The following HEPHL1 variants were observed in gnomAD, a reference collection of about 807,000 sequenced individuals.
HEPHL1 encodes the protein ferroxidase HEPHL1.
HEPHL1 carries 123 observed loss-of-function variants against 122.0 expected under a neutral mutation model. The observed-to-expected ratio is 1.01, with a 90% confidence interval of 0.87 to 1.17. HEPHL1 has a LOEUF of 1.17. HEPHL1 is among the 50% of genes most tolerant of loss of function. HEPHL1 has a pLI of 0.00. For missense variants in HEPHL1, 1,452 were observed against 1,430.5 expected (o/e 1.01, Z -0.24); for synonymous variants, 527 against 508.9 (o/e 1.04, Z -0.48).
intron 1 of HEPHL1, among the ~76,000 whole-genome samples, chr11:94,042,838 C>A (rs1945795729): frequency 7.9e-6 from 1 of 127,002 alleles, no homozygotes; most frequent in Non-Finnish European, 1.6e-5. Flanking sequence ...AACTAACCTG[C>A]ACATTGTGCA....
At chr11:94,100,684 A>G (rs1405905544) in intron 13 of HEPHL1, among the ~76,000 whole-genome samples, 2 of 152,160 alleles carry the variant, frequency 1.3e-5, no homozygotes, top group Non-Finnish European at 2.9e-5. Flanking sequence ...ATTGTCATCC[A>G]TTTACCAGAT....
Position 94,075,337 on chromosome 11 carries a change from G to A in HEPHL1, c.1668G>A (p.Gly556=), listed in dbSNP as rs1345485434. The A allele has an allele frequency of 1.2e-6, 2 of 1,613,224 alleles. No homozygotes were observed. Among genetic ancestry groups the A allele is most frequent in the Admixed American group, 3.3e-5 (2 of 59,892 alleles). The change falls in exon 9 of 20, where the codon GGG becomes GGA. Residue 556 remains glycine, a synonymous_variant. Transcript: ENST00000315765. ...PIKDTSSGLV[G]PLLVCKKGVL... Reference sequence around the variant, plus strand: ...AGGACACCAGCTCTGGCCTGGTAGGGCCTTTGCTAGTCTGTAAAAAGGGCG... The same window carrying A: ...AGGACACCAGCTCTGGCCTGGTAGGACCTTTGCTAGTCTGTAAAAAGGGCG...
intron 16 of HEPHL1, 42 bp from the exon 17 acceptor site, chr11:94,105,949 C>G (rs1263814362): frequency 1.4e-6 from 2 of 1,409,560 alleles, no homozygotes; most frequent in Admixed American, 4.4e-5. Flanking sequence ...ATCAGCTTAT[C>G]TTTTAACTAA....
intron 12 of HEPHL1, among the ~76,000 whole-genome samples, chr11:94,092,929 C>T (rs1389184977): frequency 6.6e-6 from 1 of 152,032 alleles, no homozygotes; most frequent in Non-Finnish European, 1.5e-5. Context: ...TAGAACATAA[C>T]TAGGGTGAAT....
intron 2 of HEPHL1, among the ~76,000 whole-genome samples, chr11:94,060,080 A>T (rs1324924608): frequency 2.4e-5 from 3 of 122,766 alleles, no homozygotes; most frequent in Non-Finnish European, 5.2e-5. Flanking sequence ...AATACCACTC[A>T]GTCATATTTT....
At chr11:94,047,640 T>C (rs1291231251) in intron 2 of HEPHL1, among the ~76,000 whole-genome samples, 2 of 152,144 alleles carry the variant, frequency 1.3e-5, no homozygotes, top group Non-Finnish European at 2.9e-5. Flanking sequence ...CCATGTGTCT[T>C]ATTTATGCTG....
chr11:94,063,307 G>A (rs771458188), intron 2 of HEPHL1, among the ~76,000 whole-genome samples: 6 of 152,078 alleles, frequency 3.9e-5, no homozygotes, highest in Non-Finnish European at 7.4e-5. Flanking sequence ...TTATATCCCT[G>A]TAGGATAGAT....
intron 9 of HEPHL1, 101 bp downstream of exon 9, chr11:94,075,486 T>C (rs1394351928): frequency 1.2e-6 from 1 of 808,392 alleles, no homozygotes; most frequent in Non-Finnish European, 2.0e-6. Flanking sequence ...AAAAGCAATT[T>C]GTCTTTCTTC....
chr11:94,113,627 C>A lies in HEPHL1; in HGVS notation c.*1733C>A, dbSNP rs936655896. On this transcript the variant is annotated 3_prime_UTR_variant, in exon 20 of 20. Coordinates refer to ENST00000315765, the MANE Select transcript of HEPHL1 (RefSeq NM_001098672.2). ...TATGGTAAATGCCTTATTTATTACC[C>A]ACCTTAGTAAGACAAGTTGTTCAGT... The A allele has an allele frequency of 1.3e-5, 2 of 152,038 alleles. No individual in the cohort carries two copies. The highest frequency in any genetic ancestry group is 4.8e-5 in the African/African-American group (2 of 41,362). The allele number at this position is 152,038 out of a possible 1,614,324, so 9.4% of individuals were successfully genotyped here.
chr11:94,075,454 G>T, intron 9 of HEPHL1, 69 bp downstream of exon 9: 1 of 1,161,712 alleles, frequency 8.6e-7, no homozygotes, highest in South Asian at 1.3e-5. Context: ...AGCCAGAGAC[G>T]AGACAGGAAT....
intron 1 of HEPHL1, among the ~76,000 whole-genome samples, chr11:94,029,807 G>T (rs937151808): frequency 1.3e-5 from 2 of 152,116 alleles, no homozygotes; most frequent in Non-Finnish European, 2.9e-5. Flanking sequence ...GTCCCTACAG[G>T]GACTCAGCAA....
At position 94,111,964 on chromosome 11, in the gene HEPHL1, C is replaced by T; in HGVS notation, c.*70C>T. The T allele has an allele frequency of 8.6e-7, 1 of 1,156,678 alleles. No homozygotes were observed. The highest frequency in any genetic ancestry group is 1.2e-6 in the Non-Finnish European group (1 of 834,402). 71.7% of individuals were successfully genotyped at this position (1,156,678 alleles called of 1,614,324 possible). A position where few individuals can be genotyped will look rare whatever the true frequency, so the allele number is the denominator to read the frequency against. ...GGCCAGATGGCAGCCAACAGGGAAA[C>T]TGGACCAAGGCATCACTCACCAAGG... On this transcript the variant is annotated 3_prime_UTR_variant, in exon 20 of 20. Transcript: ENST00000315765.
chr11:94,104,610 A>T lies in HEPHL1; in HGVS notation c.2765A>T (p.Asp922Val). ...LNEKGRRSDV[D>V]YEFALLFLVF... Reference sequence around the variant, plus strand: ...GAAAAGGGAAGAAGAAGTGACGTTGATTATGAATTTGCTCTCTTGTTTTTG... The same window carrying T: ...GAAAAGGGAAGAAGAAGTGACGTTGTTTATGAATTTGCTCTCTTGTTTTTG... The change falls in exon 16 of 20, where the codon GAT becomes GTT. Residue 922 changes from aspartate (D) to valine (V), a missense_variant. Physicochemically the swap from Asp to Val is radical, Grantham distance 152. Transcript: ENST00000315765. 1 of 1,613,930 alleles carries T rather than the reference A, an allele frequency of 6.2e-7. No homozygotes were observed.
intron 1 of HEPHL1, among the ~76,000 whole-genome samples, chr11:94,024,755 T>C (rs1945609785): frequency 6.6e-6 from 1 of 152,110 alleles, no homozygotes; most frequent in Non-Finnish European, 1.5e-5. Flanking sequence ...CTCTAATTGC[T>C]TGATGTACAT....
At chr11:94,090,171 A>T (rs762291504) in intron 12 of HEPHL1, among the ~76,000 whole-genome samples, 7 of 151,998 alleles carry the variant, frequency 4.6e-5, no homozygotes, top group Non-Finnish European at 8.8e-5. Flanking sequence ...TTACTCACTA[A>T]CCTATTTGTT....
chr11:94,044,062 T>C (rs531674061), intron 1 of HEPHL1, among the ~76,000 whole-genome samples: 1 of 151,722 alleles, frequency 6.6e-6, no homozygotes, highest in African/African-American at 2.4e-5. Flanking sequence ...GTGGTGGAGC[T>C]TTTGCTCAAG....
chr11:94,092,997 C>G (rs1019023584), intron 12 of HEPHL1, among the ~76,000 whole-genome samples: 4 of 152,120 alleles, frequency 2.6e-5, no homozygotes, highest in African/African-American at 9.7e-5. Context: ...CAATACATGA[C>G]TATGGTCCTT....
intron 4 of HEPHL1, among the ~76,000 whole-genome samples, chr11:94,066,094 A>T (rs1946032308): frequency 6.6e-6 from 1 of 152,202 alleles, no homozygotes; most frequent in Non-Finnish European, 1.5e-5. Context: ...CCTACTTGTG[A>T]TGCTGAGGTC....
rs758473523 is a variant in HEPHL1, at chr11:94,067,528, G to C, written c.841G>C (p.Glu281Gln). Reference protein sequence around the residue: ...LNGYLFGNFPEPDMCVGESVS... With the variant: ...LNGYLFGNFPQPDMCVGESVS... The stretch of plus-strand genomic sequence containing the variant: ...TGGATACCTCTTCGGAAACTTCCCG[G>C]AGCCTGATATGTGTGTTGGAGAATC... Residue 281 changes from glutamate to glutamine, a missense_variant, in exon 5 of 20, where the codon GAG becomes CAG. Glu to Gln is a conservative substitution (Grantham distance 29, BLOSUM62 2). Transcript: ENST00000315765. The C allele has an allele frequency of 6.2e-7, 1 of 1,613,586 alleles. No individual in the cohort carries two copies. Among genetic ancestry groups the C allele is most frequent in the African/African-American group, 1.3e-5 (1 of 75,000 alleles).
Sources: allele counts gnomAD v4.1 joint callset (sites outside exome capture counted in the v4.1 genomes callset), GRCh38; gene constraint gnomAD v4.1.1; transcripts MANE v1.5; gene names NCBI Gene and HGNC (gene_info 2026-07-23, HGNC 2026-07-21).